The following PPFIA2 variants were observed in gnomAD, a reference collection of about 807,000 sequenced individuals.
PPFIA2 encodes the protein liprin-alpha-2.
A neutral mutation model predicts 175.5 loss-of-function variants in PPFIA2; 46 were observed. The observed-to-expected ratio is 0.26, with a 90% CI of 0.21 to 0.34. The LOEUF (loss-of-function observed/expected upper bound fraction) is 0.34, where lower values mean the gene tolerates loss of function less well. Ranked by LOEUF, PPFIA2 falls within the 10% of genes least tolerant of loss-of-function variation. PPFIA2 has a pLI of 1.00. For missense variants in PPFIA2, 1,179 were observed against 1,506.1 expected, an observed-to-expected ratio of 0.78 and a Z score of 3.60; for synonymous variants, 568 against 511.4, an observed-to-expected ratio of 1.11 and a Z score of -1.49.
intron 4 of PPFIA2, among the ~76,000 whole-genome samples, chr12:81,607,735 T>G (rs73362551): frequency 0.011 from 1,747 of 152,144 alleles, 23 homozygotes; most frequent in African/African-American, 0.04. Context: ...AACCATATCA[T>G]CAGTGAAGAG....
intron 22 of PPFIA2, among the ~76,000 whole-genome samples, chr12:81,308,679 C>T (rs1001948493): frequency 6.6e-6 from 1 of 152,138 alleles, no homozygotes; most frequent in Non-Finnish European, 1.5e-5. Context: ...CTGGTTAATA[C>T]ATAAGGTCTT....
intron 4 of PPFIA2, among the ~76,000 whole-genome samples, chr12:81,519,038 A>G (rs2062799119): frequency 6.6e-6 from 1 of 152,176 alleles, no homozygotes; most frequent in African/African-American, 2.4e-5. Flanking sequence ...ATACAAAATA[A>G]ACAAATGTAT....
intron 18 of PPFIA2, 133 bp downstream of exon 18, chr12:81,347,400 T>C: frequency 1.2e-6 from 1 of 814,666 alleles, no homozygotes; most frequent in Non-Finnish European, 2.1e-6. Flanking sequence ...ATAGGGATGT[T>C]GTGAATAAGA....
At chr12:81,743,455 T>G (rs1427384592) in intron 3 of PPFIA2, among the ~76,000 whole-genome samples, 3 of 99,214 alleles carry the variant, frequency 3.0e-5, no homozygotes, top group Non-Finnish European at 4.1e-5. Flanking sequence ...ACTTTTGCTG[T>G]AAAGGGAAAG....
At chr12:81,588,298 A>T (rs2075568591) in intron 4 of PPFIA2, among the ~76,000 whole-genome samples, 1 of 152,036 alleles carries the variant, frequency 6.6e-6, no homozygotes, top group Non-Finnish European at 1.5e-5. Context: ...AGGAGGGGTG[A>T]TAAGGAAAAC....
At position 81,343,919 on chromosome 12, in the gene PPFIA2, C is replaced by G. The variant is rs1382213439; in HGVS notation, c.2262+745G>C. Among the ~76,000 whole-genome samples, 3 of 152,194 alleles carry G rather than the reference C, an allele frequency of 2.0e-5. No homozygotes were observed. The East Asian group carries it at 5.8e-4, about 29-fold the overall frequency. ...GCACATCACTCACCTATAAGTACACCTTTCACATGCAAACCAAACAACTCA... is the reference window on the plus strand; with the variant it reads ...GCACATCACTCACCTATAAGTACACGTTTCACATGCAAACCAAACAACTCA... On this transcript the variant is annotated intron_variant, in intron 19 of 32. Transcript: ENST00000549396.
At chr12:81,715,404 C>T (rs538173798) in intron 3 of PPFIA2, among the ~76,000 whole-genome samples, 11 of 151,646 alleles carry the variant, frequency 7.3e-5, no homozygotes, top group African/African-American at 1.7e-4. Flanking sequence ...GGTTTGTATA[C>T]AGAATAATTT....
chr12:81,396,660 C>T (rs915001760), intron 8 of PPFIA2, among the ~76,000 whole-genome samples: 2 of 152,030 alleles, frequency 1.3e-5, no homozygotes, highest in African/African-American at 2.4e-5. Context: ...ATATCACATG[C>T]ACCATATAAA....
At chr12:81,583,983 C>T (rs889961087) in intron 4 of PPFIA2, among the ~76,000 whole-genome samples, 1 of 151,832 alleles carries the variant, frequency 6.6e-6, no homozygotes, top group African/African-American at 2.4e-5. Flanking sequence ...TAAAATTCTT[C>T]CTCAAATTCT....
chr12:81,590,974 AAC>A (rs1297776273), intron 4 of PPFIA2, among the ~76,000 whole-genome samples: 1 of 152,178 alleles, frequency 6.6e-6, no homozygotes, highest in Non-Finnish European at 1.5e-5. Flanking sequence ...CAGAGGTTGG[AAC>A]AGTTTGGAGG....
At chr12:81,665,230 C>T (rs1469088413) in intron 4 of PPFIA2, among the ~76,000 whole-genome samples, 2 of 151,950 alleles carry the variant, frequency 1.3e-5, no homozygotes, top group South Asian at 2.1e-4. Context: ...AAAAGGAAGA[C>T]TCTTTTTCTA....
intron 4 of PPFIA2, among the ~76,000 whole-genome samples, chr12:81,562,290 C>A (rs945510689): frequency 6.6e-6 from 1 of 151,970 alleles, no homozygotes; most frequent in African/African-American, 2.4e-5. Flanking sequence ...CTACTTTAAG[C>A]CAAGGGTTAA....
intron 32 of PPFIA2, 100 bp downstream of exon 32, chr12:81,261,849 C>G: frequency 1.3e-6 from 1 of 741,744 alleles, no homozygotes; most frequent in Non-Finnish European, 2.2e-6. Flanking sequence ...CATTTCTGTA[C>G]TGCTAGGGCA....
At position 81,339,250 on chromosome 12, in the gene PPFIA2, C is replaced by T. The variant is rs2057640118; in HGVS notation, c.2478G>A (p.Lys826=). Residue 826 remains lysine, a synonymous_variant, in exon 21 of 33, where the codon AAG becomes AAA. Coordinates refer to ENST00000549396, the MANE Select transcript of PPFIA2 (RefSeq NM_003625.5). ...CTATTGAAGACTTGATTCCTTTCTT[C>T]TTGGGGGCTTTGTGAAGAGAGTCTT... ...SSQDSLHKAP[K]KKGIKSSIGR... 1 of 1,611,082 alleles carries T rather than the reference C, an allele frequency of 6.2e-7. No homozygotes were observed. The highest frequency in any genetic ancestry group is 2.2e-5 in the East Asian group (1 of 44,722).
chr12:81,439,843 C>A, intron 7 of PPFIA2, 129 bp downstream of exon 7: 2 of 799,706 alleles, frequency 2.5e-6, no homozygotes, highest in South Asian at 3.6e-5. Flanking sequence ...TTTCAACAAG[C>A]CTTGTTCAAT....
At chr12:81,729,395 C>A (rs117555941) in intron 3 of PPFIA2, among the ~76,000 whole-genome samples, 1 of 151,474 alleles carries the variant, frequency 6.6e-6, no homozygotes, top group East Asian at 1.9e-4. Flanking sequence ...CTAGTGACAA[C>A]GTTGGACATA....
At chr12:81,364,568 T>C (rs2032421775) in intron 14 of PPFIA2, among the ~76,000 whole-genome samples, 1 of 151,754 alleles carries the variant, frequency 6.6e-6, no homozygotes. Flanking sequence ...TTTTTAATTT[T>C]TATTTTTGTA....
chr12:81,656,888 C>A (rs1268940053), intron 4 of PPFIA2, among the ~76,000 whole-genome samples: 3 of 151,886 alleles, frequency 2.0e-5, no homozygotes, highest in African/African-American at 4.8e-5. Flanking sequence ...ATCATAAAAT[C>A]TTTAGGGCAT....
chr12:81,302,648 T>C, intron 22 of PPFIA2: 1 of 447,340 alleles, frequency 2.2e-6, no homozygotes, highest in Non-Finnish European at 4.5e-6. Flanking sequence ...GGCTAGGTTT[T>C]ACACCAGGAC....
Sources: allele counts gnomAD v4.1 joint callset (sites outside exome capture counted in the v4.1 genomes callset), GRCh38; gene constraint gnomAD v4.1.1; transcripts MANE v1.5; gene names NCBI Gene and HGNC (gene_info 2026-07-23, HGNC 2026-07-21).